The following TMEM45A variants were observed in gnomAD, a reference collection of about 807,000 sequenced individuals.
The protein encoded by TMEM45A is transmembrane protein 45A, also known as DNA polymerase-transactivated protein 4.
A neutral mutation model predicts 32.0 loss-of-function variants in TMEM45A; 25 were observed. The ratio of observed to expected loss-of-function variants is 0.78; its 90% CI spans 0.57 to 1.09. The LOEUF (loss-of-function observed/expected upper bound fraction) is 1.09. Among genes scored for constraint, TMEM45A ranks in the 50% least tolerant of loss-of-function variants. The probability of loss-of-function intolerance (pLI) is 0.00; values close to 1 mark genes in which losing one functional copy is unlikely to be tolerated. For missense variants in TMEM45A, 302 were observed against 325.0 expected, an observed-to-expected ratio of 0.93 and a Z score of 0.54; for synonymous variants, 122 against 114.8, an observed-to-expected ratio of 1.06 and a Z score of -0.40.
At chr3:100,518,145 T>A (rs1576265822) in intron 1 of TMEM45A, among the ~76,000 whole-genome samples, 1 of 152,246 alleles carries the variant, frequency 6.6e-6, no homozygotes, top group East Asian at 1.9e-4. Context: ...TTCTCAAACA[T>A]TTTGTTGGAA....
chr3:100,495,922 A>G lies in TMEM45A; in HGVS notation c.-4+2994A>G, dbSNP rs1007660794. On this transcript the variant is annotated intron_variant, in intron 1 of 5. Coordinates refer to ENST00000323523, the MANE Select transcript of TMEM45A (RefSeq NM_018004.3). ...AGTGTATGCCGAGTAGCTCTTTCTCATCCTGCTGATAGAATCATCTACTCA... is the reference window on the plus strand; with the variant it reads ...AGTGTATGCCGAGTAGCTCTTTCTCGTCCTGCTGATAGAATCATCTACTCA... Among the ~76,000 whole-genome samples the G allele has an allele frequency of 2.6e-5, 4 of 152,200 alleles. No individual in the cohort carries two copies. The East Asian group carries it at 7.7e-4, about 29-fold the overall frequency.
intron 4 of TMEM45A, 97 bp from the exon 5 acceptor site, chr3:100,568,725 A>T: frequency 8.8e-7 from 1 of 1,142,222 alleles, no homozygotes; most frequent in Non-Finnish European, 1.3e-6. Context: ...ATTGGAGTTA[A>T]CTTAGTTATT....
chr3:100,514,577 A>G (rs1708227994), intron 1 of TMEM45A, among the ~76,000 whole-genome samples: 1 of 151,952 alleles, frequency 6.6e-6, no homozygotes, highest in Non-Finnish European at 1.5e-5. Flanking sequence ...CAAGGACTTC[A>G]TGTCTAAAAC....
At chr3:100,511,812 G>A (rs934236446) in intron 1 of TMEM45A, among the ~76,000 whole-genome samples, 1 of 151,984 alleles carries the variant, frequency 6.6e-6, no homozygotes, top group Non-Finnish European at 1.5e-5. Flanking sequence ...AAAAAAGGCA[G>A]GGGTTGCAAT....
intron 1 of TMEM45A, among the ~76,000 whole-genome samples, chr3:100,517,110 TTTTTC>T (rs60770063): frequency 6.6e-6 from 1 of 150,734 alleles, no homozygotes; most frequent in Non-Finnish European, 1.5e-5. Context: ...GGGAATGAAA[TTTTTC>T]TTTTCTTTTC....
At chr3:100,547,240 G>C (rs1394219527) in intron 1 of TMEM45A, among the ~76,000 whole-genome samples, 1 of 152,056 alleles carries the variant, frequency 6.6e-6, no homozygotes, top group Non-Finnish European at 1.5e-5. Flanking sequence ...TCCTGCCTCA[G>C]CCTCCTGAGT....
At chr3:100,542,007 A>G (rs556178499) in intron 1 of TMEM45A, among the ~76,000 whole-genome samples, 2 of 152,056 alleles carry the variant, frequency 1.3e-5, no homozygotes, top group South Asian at 2.1e-4. Context: ...CCATCGGTCT[A>G]TGTGTCTGTT....
At chr3:100,534,268 A>G (rs1270018544) in intron 1 of TMEM45A, among the ~76,000 whole-genome samples, 2 of 152,202 alleles carry the variant, frequency 1.3e-5, no homozygotes, top group Non-Finnish European at 2.9e-5. Context: ...GGAAACAGAT[A>G]ATATGTTACC....
intron 4 of TMEM45A, among the ~76,000 whole-genome samples, chr3:100,567,233 C>T (rs897769979): frequency 6.6e-6 from 1 of 151,432 alleles, no homozygotes; most frequent in Non-Finnish European, 1.5e-5. Flanking sequence ...TGTGAATACC[C>T]GGTTATCTCA....
chr3:100,549,080 TCTACTAAAAATACAAAAA>T (rs1706036810), intron 1 of TMEM45A, among the ~76,000 whole-genome samples: 1 of 151,790 alleles, frequency 6.6e-6, no homozygotes, highest in South Asian at 2.1e-4. Flanking sequence ...AAACCCCATG[TCTACTAAAAATACAAAAA>T]TTAGCTGGTA....
At chr3:100,526,989 C>A (rs1705556556) in intron 1 of TMEM45A, among the ~76,000 whole-genome samples, 1 of 152,122 alleles carries the variant, frequency 6.6e-6, no homozygotes, top group Non-Finnish European at 1.5e-5. Flanking sequence ...CTATTTATGT[C>A]CGTATTTTAA....
At chr3:100,553,919 A>T (rs575334063) in intron 1 of TMEM45A, among the ~76,000 whole-genome samples, 1 of 152,212 alleles carries the variant, frequency 6.6e-6, no homozygotes, top group South Asian at 2.1e-4. Context: ...TTTCCCCCTG[A>T]GTTTCACAGT....
At chr3:100,527,412 T>G (rs771196092) in intron 1 of TMEM45A, among the ~76,000 whole-genome samples, 1 of 152,208 alleles carries the variant, frequency 6.6e-6, no homozygotes, top group Non-Finnish European at 1.5e-5. Context: ...ATGATAGTCC[T>G]TCTTACTTTG....
intron 1 of TMEM45A, among the ~76,000 whole-genome samples, chr3:100,551,990 G>T (rs937293564): frequency 6.6e-6 from 1 of 152,160 alleles, no homozygotes; most frequent in African/African-American, 2.4e-5. Context: ...GGGGCAGCAG[G>T]AGCCTCTTAG....
chr3:100,521,948 G>A (rs138199311), intron 1 of TMEM45A, among the ~76,000 whole-genome samples: 96 of 152,318 alleles, frequency 6.3e-4, no homozygotes, highest in Non-Finnish European at 4.0e-4. Flanking sequence ...TAAGAGTTCT[G>A]TAGAAGCCAG....
chr3:100,516,008 A>G (rs1212959661), intron 1 of TMEM45A, among the ~76,000 whole-genome samples: 2 of 152,228 alleles, frequency 1.3e-5, no homozygotes, highest in Non-Finnish European at 2.9e-5. Flanking sequence ...TGCTCCCAAT[A>G]CAAAGAAATG....
chr3:100,500,486 C>T (rs1342406118), intron 1 of TMEM45A, among the ~76,000 whole-genome samples: 1 of 151,974 alleles, frequency 6.6e-6, no homozygotes. Flanking sequence ...GGCCTGTTTG[C>T]CCTGTTCCCT....
intron 1 of TMEM45A, among the ~76,000 whole-genome samples, chr3:100,534,510 G>A (rs549812783): frequency 6.6e-5 from 10 of 152,252 alleles, no homozygotes; most frequent in South Asian, 2.1e-4. Context: ...TGGAACCCAG[G>A]AACACAGGAG....
chr3:100,515,723 T>C (rs1184633950), intron 1 of TMEM45A, among the ~76,000 whole-genome samples: 1 of 151,930 alleles, frequency 6.6e-6, no homozygotes, highest in Non-Finnish European at 1.5e-5. Flanking sequence ...GTCATTATGT[T>C]AAGTGAAACA....
Sources: gnomAD v4.1 joint callset for allele counts (sites outside exome capture counted in the v4.1 genomes callset) on GRCh38, gnomAD v4.1.1 for gene constraint, MANE v1.5 for transcripts, NCBI Gene and HGNC (gene_info 2026-07-23, HGNC 2026-07-21) for gene names.